KCNAB1: variants seen among roughly 807,000 people sequenced by gnomAD.
KCNAB1 encodes voltage-gated potassium channel subunit beta-1.
KCNAB1 carries 35 observed loss-of-function variants against 64.6 expected under a neutral mutation model. That is an observed-to-expected ratio of 0.54 (90% CI 0.41 to 0.72). The LOEUF (loss-of-function observed/expected upper bound fraction) is 0.72, where lower values mean the gene tolerates loss of function less well. Ranked by LOEUF, KCNAB1 falls within the 30% of genes least tolerant of loss-of-function variation. The probability of loss-of-function intolerance (pLI) is 0.00; values close to 1 mark genes in which losing one functional copy is unlikely to be tolerated. For missense variants in KCNAB1, 401 were observed against 512.9 expected (o/e 0.78, Z 2.11); for synonymous variants, 177 against 183.8 (o/e 0.96, Z 0.30).
intron 1 of KCNAB1, among the ~76,000 whole-genome samples, chr3:156,385,026 C>G (rs1319806215): frequency 6.6e-6 from 1 of 152,188 alleles, no homozygotes; most frequent in African/African-American, 2.4e-5. Context: ...GACTTTTCTC[C>G]TAACCAACCT....
intron 1 of KCNAB1, among the ~76,000 whole-genome samples, chr3:156,416,691 G>A (rs2108218426): frequency 6.6e-6 from 1 of 152,272 alleles, no homozygotes; most frequent in African/African-American, 2.4e-5. Context: ...CTCAGCCCAG[G>A]CTCACAGCCT....
intron 1 of KCNAB1, among the ~76,000 whole-genome samples, chr3:156,239,630 GGAGAGCC>G (rs748640650): frequency 2.8e-4 from 42 of 152,148 alleles, no homozygotes; most frequent in Non-Finnish European, 5.3e-4. Flanking sequence ...TGCAGTCCTT[GGAGAGCC>G]GACACTCACC....
intron 1 of KCNAB1, among the ~76,000 whole-genome samples, chr3:156,251,517 A>G (rs1267793287): frequency 6.6e-6 from 1 of 152,160 alleles, no homozygotes; most frequent in Non-Finnish European, 1.5e-5. Flanking sequence ...AGACACACGG[A>G]AACATATTTA....
At chr3:156,437,743 T>C (rs988732501) in intron 2 of KCNAB1, among the ~76,000 whole-genome samples, 2 of 152,198 alleles carry the variant, frequency 1.3e-5, no homozygotes, top group Non-Finnish European at 2.9e-5. Context: ...CCAAAGAGAA[T>C]CTTGAAGGAA....
At chr3:156,473,304 A>G (rs371364672) in intron 7 of KCNAB1, among the ~76,000 whole-genome samples, 52 of 152,258 alleles carry the variant, frequency 3.4e-4, no homozygotes, top group African/African-American at 1.2e-3. Flanking sequence ...AGAGAACCCA[A>G]GTGGGGTCCC....
intron 1 of KCNAB1, among the ~76,000 whole-genome samples, chr3:156,301,763 A>C (rs1441184857): frequency 2.0e-5 from 3 of 152,232 alleles, no homozygotes; most frequent in Admixed American, 2.0e-4. Flanking sequence ...TGAGAAAAAC[A>C]AGTGGACATT....
At chr3:156,362,451 C>G (rs1214554934) in intron 1 of KCNAB1, among the ~76,000 whole-genome samples, 1 of 152,178 alleles carries the variant, frequency 6.6e-6, no homozygotes, top group Non-Finnish European at 1.5e-5. Context: ...AATTGAAGAG[C>G]AGGATTGCTG....
Position 156,244,165 on chromosome 3 carries a change from G to T in KCNAB1, c.275+123279G>T, listed in dbSNP as rs141627602. ...TCTCTTACAGTTCTGGAGCTCAGTA[G>T]TCTAAAACCGAAGTGTCTCCTGGGA... is the stretch of plus-strand genomic sequence containing the variant. On this transcript the variant is annotated intron_variant, in intron 1 of 13. Transcript: ENST00000490337. Among the ~76,000 whole-genome samples, 41 of 152,326 alleles carry T rather than the reference G, an allele frequency of 2.7e-4. No homozygotes were observed. The East Asian group carries it at 6.7e-3, about 25-fold the overall frequency.
intron 8 of KCNAB1, among the ~76,000 whole-genome samples, chr3:156,513,880 CCT>C (rs1377951938): frequency 6.6e-6 from 1 of 152,162 alleles, no homozygotes; most frequent in Non-Finnish European, 1.5e-5. Flanking sequence ...TGTTGAGTCA[CCT>C]CTCTTAGAGA....
At chr3:156,383,817 T>C (rs1712359890) in intron 1 of KCNAB1, among the ~76,000 whole-genome samples, 1 of 152,214 alleles carries the variant, frequency 6.6e-6, no homozygotes, top group Admixed American at 6.5e-5. Flanking sequence ...TCGGCAGAGA[T>C]GGGTGGTTTC....
At chr3:156,457,060 C>A in intron 3 of KCNAB1, 1 of 257,592 alleles carries the variant, frequency 3.9e-6, no homozygotes, top group Non-Finnish European at 6.3e-6. Flanking sequence ...AGTCATCCAG[C>A]TGCCAAAAGT....
In KCNAB1 at chr3:156,300,080, C is replaced by T. The variant is rs139877284; in HGVS notation, c.276-121536C>T. 3.1e-3 allele frequency among the ~76,000 whole-genome samples: 470 copies of T among 152,208 alleles called. 2 individuals are homozygous for T. The highest frequency in any genetic ancestry group is 5.0e-3 in the Non-Finnish European group (337 of 68,006). ...GCACAGCAACAAGACAAAGGAGGCA[C>T]GTGTGGCATACAGAGGACTCCCACT... On this transcript the variant is annotated intron_variant, in intron 1 of 13. Transcript: ENST00000490337.
chr3:156,312,731 A>AAAAAAAAAAAAAAAAAAAAC (rs1722007557), intron 1 of KCNAB1, among the ~76,000 whole-genome samples: 3 of 144,526 alleles, frequency 2.1e-5, no homozygotes, highest in African/African-American at 5.4e-5. Flanking sequence ...AAAAAAAAAA[A>AAAAAAAAAAAAAAAAAAAAC]CTCATAATAA....
intron 1 of KCNAB1, among the ~76,000 whole-genome samples, chr3:156,366,508 T>G (rs1049591421): frequency 6.6e-6 from 1 of 152,182 alleles, no homozygotes; most frequent in Non-Finnish European, 1.5e-5. Context: ...CCTAAGCTTG[T>G]GGGGCTTGAT....
At chr3:156,352,158 G>A (rs768455299) in intron 1 of KCNAB1, among the ~76,000 whole-genome samples, 5 of 152,294 alleles carry the variant, frequency 3.3e-5, no homozygotes, top group African/African-American at 4.8e-5. Flanking sequence ...CCACACTTCC[G>A]CCCCTAGCTC....
At chr3:156,438,044 A>G (rs1400138546) in intron 2 of KCNAB1, among the ~76,000 whole-genome samples, 1 of 152,190 alleles carries the variant, frequency 6.6e-6, no homozygotes, top group Admixed American at 6.5e-5. Flanking sequence ...CCTCAGACCA[A>G]TCAAACCAGA....
chr3:156,513,505 A>G (rs1466756861), intron 8 of KCNAB1, among the ~76,000 whole-genome samples: 2 of 152,190 alleles, frequency 1.3e-5, no homozygotes, highest in African/African-American at 4.8e-5. Flanking sequence ...TTAAACACTG[A>G]CCTGCTTTGT....
At chr3:156,167,847 C>T (rs1711698934) in intron 1 of KCNAB1, among the ~76,000 whole-genome samples, 1 of 152,182 alleles carries the variant, frequency 6.6e-6, no homozygotes, top group Non-Finnish European at 1.5e-5. Flanking sequence ...CTTAGGATCT[C>T]ATTTTTGATA....
intron 1 of KCNAB1, among the ~76,000 whole-genome samples, chr3:156,162,013 C>T (rs112540610): frequency 5.3e-5 from 8 of 152,258 alleles, no homozygotes; most frequent in Admixed American, 2.0e-4. Context: ...TTCTTAAATA[C>T]GACAGGGTTT....
Sources: allele counts gnomAD v4.1 joint callset (sites outside exome capture counted in the v4.1 genomes callset), GRCh38; gene constraint gnomAD v4.1.1; transcripts MANE v1.5; gene names NCBI Gene and HGNC (gene_info 2026-07-23, HGNC 2026-07-21).